FCHSD2: variants seen among roughly 807,000 people sequenced by gnomAD.
FCHSD2 encodes the protein F-BAR and double SH3 domains protein 2.
Under a neutral mutation model 108.1 loss-of-function variants are expected in FCHSD2, and 38 were observed. The observed-to-expected ratio is 0.35, with a 90% CI of 0.27 to 0.46. The LOEUF (loss-of-function observed/expected upper bound fraction) is 0.46, where lower values mean the gene tolerates loss of function less well. FCHSD2 is among the 20% of genes least tolerant of loss of function. FCHSD2 has a pLI of 1.00. For synonymous variants in FCHSD2, 279 were observed against 314.7 expected, an observed-to-expected ratio of 0.89 and a Z score of 1.20; for missense variants, 751 against 897.8, an observed-to-expected ratio of 0.84 and a Z score of 2.09.
intron 12 of FCHSD2, among the ~76,000 whole-genome samples, chr11:72,886,003 A>G (rs537862811): frequency 4.4e-4 from 67 of 152,278 alleles, no homozygotes; most frequent in African/African-American, 1.6e-3. Flanking sequence ...TACCAAAAAC[A>G]TGCTCATATT....
chr11:72,845,092 T>C (rs1300732587), intron 14 of FCHSD2, among the ~76,000 whole-genome samples: 1 of 151,334 alleles, frequency 6.6e-6, no homozygotes, highest in Non-Finnish European at 1.5e-5. Context: ...ACCAGGGAGG[T>C]AGTACACTTT....
chr11:73,111,441 G>C (rs1274139620), intron 2 of FCHSD2, among the ~76,000 whole-genome samples: 1 of 148,858 alleles, frequency 6.7e-6, no homozygotes, highest in Non-Finnish European at 1.5e-5. Flanking sequence ...GCTTCCATTA[G>C]CATGGAATAT....
intron 14 of FCHSD2, among the ~76,000 whole-genome samples, chr11:72,847,555 C>G (rs1056027581): frequency 1.5e-4 from 23 of 152,058 alleles, no homozygotes; most frequent in African/African-American, 5.6e-4. Flanking sequence ...GGCAGAAGTG[C>G]CATACATTAT....
chr11:73,104,606 T>C (rs1455438425), intron 2 of FCHSD2, among the ~76,000 whole-genome samples: 1 of 151,952 alleles, frequency 6.6e-6, no homozygotes, highest in African/African-American at 2.4e-5. Context: ...TCTCGCTCTG[T>C]CACCCAGGCT....
intron 9 of FCHSD2, among the ~76,000 whole-genome samples, chr11:72,908,912 C>G (rs144765007): frequency 6.6e-6 from 1 of 152,316 alleles, no homozygotes; most frequent in East Asian, 1.9e-4. Flanking sequence ...CCTTGGCCTC[C>G]TACAGTGCTG....
intron 12 of FCHSD2, among the ~76,000 whole-genome samples, chr11:72,872,040 T>G (rs986706190): frequency 1.3e-5 from 2 of 152,026 alleles, no homozygotes; most frequent in African/African-American, 4.8e-5. Context: ...TTTATAAAAA[T>G]TGAGGTAAAA....
At chr11:72,886,082 G>A (rs1395727798) in intron 12 of FCHSD2, among the ~76,000 whole-genome samples, 1 of 152,112 alleles carries the variant, frequency 6.6e-6, no homozygotes. Context: ...AAAACCTCTG[G>A]AGTTCTAAGG....
At chr11:73,124,410 A>C (rs1251629821) in intron 2 of FCHSD2, among the ~76,000 whole-genome samples, 1 of 152,136 alleles carries the variant, frequency 6.6e-6, no homozygotes, top group Non-Finnish European at 1.5e-5. Context: ...AAAGTATAAT[A>C]ATAATAATTT....
intron 2 of FCHSD2, among the ~76,000 whole-genome samples, chr11:73,132,824 G>GAAAAA (rs35412486): frequency 9.0e-6 from 1 of 110,948 alleles, no homozygotes; most frequent in Non-Finnish European, 1.7e-5. Flanking sequence ...AACGGTAACA[G>GAAAAA]AAAAAAAAAA....
intron 10 of FCHSD2, among the ~76,000 whole-genome samples, chr11:72,895,997 A>G (rs1272716569): frequency 6.6e-6 from 1 of 152,244 alleles, no homozygotes; most frequent in African/African-American, 2.4e-5. Flanking sequence ...AACCCCATGT[A>G]GACTTTTATA....
At chr11:72,989,734 CG>C (rs1385327113) in intron 5 of FCHSD2, among the ~76,000 whole-genome samples, 1 of 151,950 alleles carries the variant, frequency 6.6e-6, no homozygotes, top group African/African-American at 2.4e-5. Flanking sequence ...TATAACACAC[CG>C]GGGCCAAGCA....
In FCHSD2 at chr11:73,018,529, T is replaced by C. The variant is rs185767575; in HGVS notation, c.166-2644A>G. Reference sequence around the variant, plus strand: ...GTACAGATCTTGTCTTTTTTTTTTTTTTTTAATCATTATATCCCCGGCTAT... The same window carrying C: ...GTACAGATCTTGTCTTTTTTTTTTTCTTTTAATCATTATATCCCCGGCTAT... On this transcript the variant is annotated intron_variant, in intron 3 of 19. Transcript: ENST00000409418. 5.3e-3 allele frequency among the ~76,000 whole-genome samples: 807 copies of C among 152,012 alleles called. 25 individuals are homozygous for C. The highest frequency in any genetic ancestry group is 1.3e-3 in the Non-Finnish European group (86 of 67,970).
intron 4 of FCHSD2, among the ~76,000 whole-genome samples, chr11:73,013,305 ACTGT>A (rs1342259807): frequency 2.0e-5 from 3 of 152,084 alleles, no homozygotes; most frequent in East Asian, 3.9e-4. Context: ...CTTTTACCAA[ACTGT>A]CTGCCTGGAA....
intron 13 of FCHSD2, among the ~76,000 whole-genome samples, chr11:72,857,282 T>C (rs370413143): frequency 6.6e-6 from 1 of 152,250 alleles, no homozygotes; most frequent in Non-Finnish European, 1.5e-5. Context: ...CACTGTTTTC[T>C]TGACCCAGCA....
chr11:72,914,493 C>A (rs914160717), intron 9 of FCHSD2, among the ~76,000 whole-genome samples: 1 of 152,152 alleles, frequency 6.6e-6, no homozygotes, highest in African/African-American at 2.4e-5. Flanking sequence ...TCAAACTATA[C>A]CACAGGGCCA....
At chr11:72,959,311 G>A (rs139268471) in intron 8 of FCHSD2, among the ~76,000 whole-genome samples, 92 of 123,392 alleles carry the variant, frequency 7.5e-4, no homozygotes, top group Non-Finnish European at 1.2e-3. Flanking sequence ...CTCACTGCAA[G>A]CTCCACCCCC....
intron 13 of FCHSD2, among the ~76,000 whole-genome samples, chr11:72,861,223 G>A (rs1439067461): frequency 6.6e-6 from 1 of 152,052 alleles, no homozygotes; most frequent in Non-Finnish European, 1.5e-5. Context: ...TAATTTTCCA[G>A]ATAATCAAAG....
chr11:72,933,792 TC>T lies in FCHSD2; in HGVS notation c.706-11843del, dbSNP rs1455814865. Among the ~76,000 whole-genome samples, 9 of 152,318 alleles carry T rather than the reference TC, an allele frequency of 5.9e-5. No homozygotes were observed. The East Asian group carries it at 1.7e-3, about 29-fold the overall frequency. On this transcript the variant is annotated intron_variant, in intron 8 of 19. Coordinates refer to ENST00000409418, the MANE Select transcript of FCHSD2 (RefSeq NM_014824.3). Reference sequence around the variant, plus strand: ...ATACAATCCAAAAGCTGCATATATTTCTTACAAATTTAAAGTAAAGTAAAAA... The same window carrying T: ...ATACAATCCAAAAGCTGCATATATTTTTACAAATTTAAAGTAAAGTAAAAA...
intron 9 of FCHSD2, among the ~76,000 whole-genome samples, chr11:72,911,779 C>A (rs759295086): frequency 6.6e-6 from 1 of 152,102 alleles, no homozygotes; most frequent in Non-Finnish European, 1.5e-5. Flanking sequence ...TGCACTGGCA[C>A]AATCCTGGCT....
Sources: allele counts gnomAD v4.1 joint callset (sites outside exome capture counted in the v4.1 genomes callset), GRCh38; gene constraint gnomAD v4.1.1; transcripts MANE v1.5; gene names NCBI Gene and HGNC (gene_info 2026-07-23, HGNC 2026-07-21).